GRM8: variants seen among roughly 807,000 people sequenced by gnomAD.
GRM8 encodes metabotropic glutamate receptor 8.
In GRM8, 47 loss-of-function variants were observed where a neutral mutation model predicts 87.2. The observed-to-expected ratio is 0.54, with a 90% confidence interval of 0.43 to 0.69. The LOEUF (loss-of-function observed/expected upper bound fraction) is 0.69, where lower values mean the gene tolerates loss of function less well. GRM8 is among the 30% of genes least tolerant of loss of function. The pLI is 0.00. For synonymous variants in GRM8, 396 were observed against 404.5 expected (o/e 0.98, Z 0.25); for missense variants, 1,019 against 1,139.2 (o/e 0.89, Z 1.52).
chr7:126,646,661 A>G (rs1803131157), intron 7 of GRM8, among the ~76,000 whole-genome samples: 1 of 152,202 alleles, frequency 6.6e-6, no homozygotes, highest in Non-Finnish European at 1.5e-5. Context: ...GGCTCACCAC[A>G]CACTGGATTT....
chr7:126,549,783 A>G (rs945187451), intron 8 of GRM8, among the ~76,000 whole-genome samples: 4 of 152,220 alleles, frequency 2.6e-5, no homozygotes, highest in African/African-American at 7.2e-5. Context: ...GTAATGCAAT[A>G]AACTACAAAT....
intron 7 of GRM8, among the ~76,000 whole-genome samples, chr7:126,688,202 A>G (rs1015407007): frequency 8.5e-5 from 13 of 152,238 alleles, no homozygotes; most frequent in African/African-American, 3.1e-4. Flanking sequence ...GTATTAAGAA[A>G]TACAGAGAAG....
At chr7:127,062,743 G>T (rs2132603461) in intron 3 of GRM8, among the ~76,000 whole-genome samples, 1 of 152,148 alleles carries the variant, frequency 6.6e-6, no homozygotes, top group South Asian at 2.1e-4. Context: ...GTCTTGGGAG[G>T]GTGTAATTGT....
chr7:126,755,036 T>TTGTATC (rs71522226), intron 7 of GRM8, among the ~76,000 whole-genome samples: 58,940 of 151,510 alleles, frequency 0.39, 12,642 homozygotes, highest in Non-Finnish European at 0.48. Flanking sequence ...CATTTAAACT[T>TTGTATC]TGTAGCTCAT....
chr7:126,669,410 G>A (rs1806147616), intron 7 of GRM8, among the ~76,000 whole-genome samples: 1 of 151,932 alleles, frequency 6.6e-6, no homozygotes, highest in Non-Finnish European at 1.5e-5. Flanking sequence ...CAATTGCTTG[G>A]ATCTGATGTT....
chr7:126,594,536 T>C (rs1796980240), intron 8 of GRM8, among the ~76,000 whole-genome samples: 1 of 152,044 alleles, frequency 6.6e-6, no homozygotes, highest in African/African-American at 2.4e-5. Context: ...TCTAGAAAGA[T>C]GCAGAGAGTA....
chr7:127,043,524 C>G (rs1003871784), intron 3 of GRM8, among the ~76,000 whole-genome samples: 6 of 152,066 alleles, frequency 3.9e-5, no homozygotes, highest in African/African-American at 1.4e-4. Context: ...AACAAAAAAC[C>G]AAACACCACA....
chr7:126,451,779 G>T (rs778890427), intron 9 of GRM8, among the ~76,000 whole-genome samples: 16 of 151,628 alleles, frequency 1.1e-4, no homozygotes, highest in Non-Finnish European at 2.1e-4. Context: ...CTGGTGGCTT[G>T]CCTCTTCACT....
At chr7:126,762,045 T>C (rs1349564867) in intron 7 of GRM8, among the ~76,000 whole-genome samples, 1 of 152,184 alleles carries the variant, frequency 6.6e-6, no homozygotes, top group Non-Finnish European at 1.5e-5. Flanking sequence ...ACTGTTAAGC[T>C]ATGAAATTTG....
At chr7:127,206,215 G>T (rs778597761) in intron 2 of GRM8, among the ~76,000 whole-genome samples, 10 of 152,226 alleles carry the variant, frequency 6.6e-5, no homozygotes, top group Non-Finnish European at 1.2e-4. Flanking sequence ...CACCAGTCCA[G>T]CAATGTGCTT....
At chr7:126,937,647 T>A (rs1359015587) in intron 3 of GRM8, among the ~76,000 whole-genome samples, 1 of 152,202 alleles carries the variant, frequency 6.6e-6, no homozygotes, top group Admixed American at 6.5e-5. Flanking sequence ...TGCCAAGTAG[T>A]TCTTGCCCAG....
intron 1 of GRM8, among the ~76,000 whole-genome samples, chr7:127,249,783 C>T (rs866307183): frequency 2.6e-5 from 4 of 152,150 alleles, no homozygotes; most frequent in Admixed American, 6.5e-5. Flanking sequence ...ATGAAGTGGC[C>T]GTCCCTATTG....
At chr7:127,091,523 TC>T (rs1251947822) in intron 3 of GRM8, among the ~76,000 whole-genome samples, 1 of 39,814 alleles carries the variant, frequency 2.5e-5, no homozygotes, top group Non-Finnish European at 4.6e-5. Context: ...CCACTGGTCA[TC>T]CCCCCCACCA....
At chr7:126,908,784 GGTCA>G (rs1802968701) in intron 3 of GRM8, among the ~76,000 whole-genome samples, 1 of 152,192 alleles carries the variant, frequency 6.6e-6, no homozygotes, top group African/African-American at 2.4e-5. Flanking sequence ...CTTTCAACCT[GGTCA>G]GTTTGAATTT....
chr7:126,916,154 T>G (rs1380106977), intron 3 of GRM8, among the ~76,000 whole-genome samples: 1 of 152,200 alleles, frequency 6.6e-6, no homozygotes, highest in Non-Finnish European at 1.5e-5. Flanking sequence ...AAAGACAATA[T>G]TGAAATCAAA....
intron 6 of GRM8, among the ~76,000 whole-genome samples, chr7:126,854,864 T>C (rs2130759204): frequency 6.6e-6 from 1 of 152,332 alleles, no homozygotes; most frequent in East Asian, 1.9e-4. Context: ...TCTAGGCATA[T>C]CACTGGTGAA....
At chr7:126,668,681 C>T (rs1000741760) in intron 7 of GRM8, among the ~76,000 whole-genome samples, 4 of 152,178 alleles carry the variant, frequency 2.6e-5, no homozygotes. Flanking sequence ...GGTGGAGGGA[C>T]CACTTATCTA....
At chr7:127,180,593 T>C (rs1295577251) in intron 2 of GRM8, among the ~76,000 whole-genome samples, 1 of 152,002 alleles carries the variant, frequency 6.6e-6, no homozygotes, top group Non-Finnish European at 1.5e-5. Flanking sequence ...GATGCTAAAA[T>C]CCTTAACAAA....
intron 2 of GRM8, among the ~76,000 whole-genome samples, chr7:127,157,293 A>AG (rs1434177663): frequency 1.3e-5 from 2 of 152,038 alleles, no homozygotes; most frequent in East Asian, 1.9e-4. Flanking sequence ...GAGAGAAGAG[A>AG]GGGAAAAAAG....
Sources: gnomAD v4.1 joint callset for allele counts (sites outside exome capture counted in the v4.1 genomes callset) on GRCh38, gnomAD v4.1.1 for gene constraint, MANE v1.5 for transcripts, NCBI Gene and HGNC (gene_info 2026-07-23, HGNC 2026-07-21) for gene names.